The following ABCB7 variants were observed in gnomAD, a reference collection of about 807,000 sequenced individuals.
ABCB7 encodes the protein iron-sulfur clusters transporter ABCB7, mitochondrial.
Under a neutral mutation model 54.4 loss-of-function variants are expected in ABCB7, and 7 were observed. The ratio of observed to expected loss-of-function variants is 0.13; its 90% CI spans 0.07 to 0.24. ABCB7 has a LOEUF of 0.24. Among genes scored for constraint, ABCB7 ranks in the 10% least tolerant of loss-of-function variants. The pLI is 1.00. For missense variants in ABCB7, 356 were observed against 570.4 expected (o/e 0.62, Z 3.83); for synonymous variants, 218 against 207.1 (o/e 1.05, Z -0.45).
At chrX:75,061,269 C>A (rs988053229) in intron 14 of ABCB7, among the ~76,000 whole-genome samples, 1 of 111,629 alleles carries the variant, frequency 9.0e-6, no homozygotes, top group African/African-American at 3.3e-5. Flanking sequence ...CTTCTAATAA[C>A]TCCTCCCCTT....
chrX:75,123,669 C>T (rs1257655159), intron 1 of ABCB7, among the ~76,000 whole-genome samples: 1 of 111,324 alleles, frequency 9.0e-6, no homozygotes, highest in Non-Finnish European at 1.9e-5. Flanking sequence ...TTATTTGTGT[C>T]CTCTTCAATT....
chrX:75,102,849 T>C (rs2081651446), intron 3 of ABCB7, among the ~76,000 whole-genome samples: 1 of 111,945 alleles, frequency 8.9e-6, no homozygotes. Context: ...ATGGCCATTA[T>C]AACTGAGGGA....
At chrX:75,071,048 G>A (rs1442315520) in intron 9 of ABCB7, among the ~76,000 whole-genome samples, 1 of 109,794 alleles carries the variant, frequency 9.1e-6, no homozygotes, top group Admixed American at 9.8e-5. Context: ...CTAACTGAGT[G>A]GGGGTGGGGA....
At chrX:75,113,034 T>C in intron 2 of ABCB7, 62 bp from the exon 3 acceptor site, 1 of 1,019,872 alleles carries the variant, frequency 9.8e-7, no homozygotes, top group South Asian at 1.9e-5. Context: ...GTTTCACAAT[T>C]TGGCTTGAAC....
At chrX:75,114,712 G>A in intron 2 of ABCB7, 42 bp downstream of exon 2, 16 of 1,122,739 alleles carry the variant, frequency 1.4e-5, no homozygotes, top group Non-Finnish European at 1.3e-5. Flanking sequence ...AGGGTTTACA[G>A]GTTTTTCCTA....
chrX:75,132,079 A>T (rs1396968830), intron 1 of ABCB7, among the ~76,000 whole-genome samples: 2 of 109,966 alleles, frequency 1.8e-5, no homozygotes, highest in East Asian at 2.9e-4. Context: ...TAGCTTCCCC[A>T]CACTTGGCTG....
chrX:75,152,479 T>C (rs1161147345), intron 1 of ABCB7, among the ~76,000 whole-genome samples: 1 of 112,015 alleles, frequency 8.9e-6, no homozygotes, highest in African/African-American at 3.2e-5. Flanking sequence ...TCATGTAGTT[T>C]ATGGTATTTT....
chrX:75,129,805 CA>C, intron 1 of ABCB7, among the ~76,000 whole-genome samples: 1 of 110,199 alleles, frequency 9.1e-6, no homozygotes, highest in Non-Finnish European at 1.9e-5. Context: ...CATTATACAA[CA>C]ATGCAAATTA....
chrX:75,055,553 CAAAAAAAAA>C (rs59851777), intron 15 of ABCB7, among the ~76,000 whole-genome samples: 405 of 21,755 alleles, frequency 0.019, 4 homozygotes, highest in African/African-American at 0.041. Context: ...CCATCTCTAC[CAAAAAAAAA>C]AAAAAAAAAA....
At chrX:75,125,346 T>C (rs2147543081) in intron 1 of ABCB7, among the ~76,000 whole-genome samples, 1 of 111,926 alleles carries the variant, frequency 8.9e-6, no homozygotes. Flanking sequence ...ACAAATGATA[T>C]CTAATGAATT....
chrX:75,094,898 T>G (rs1315678219), intron 4 of ABCB7, among the ~76,000 whole-genome samples: 1 of 110,679 alleles, frequency 9.0e-6, no homozygotes, highest in Non-Finnish European at 1.9e-5. Context: ...AAATACATCT[T>G]ATATAGAACC....
intron 4 of ABCB7, among the ~76,000 whole-genome samples, chrX:75,080,358 G>A (rs1294887650): frequency 1.8e-5 from 2 of 111,919 alleles, no homozygotes; most frequent in African/African-American, 3.2e-5. Flanking sequence ...AGGAAGGAGT[G>A]CAGTGGCATG....
At chrX:75,111,103 C>G (rs1293079347) in intron 3 of ABCB7, among the ~76,000 whole-genome samples, 1 of 111,441 alleles carries the variant, frequency 9.0e-6, no homozygotes, top group Admixed American at 9.5e-5. Context: ...TATAAACAAG[C>G]ACACAAAAAG....
At chrX:75,114,878 T>A in intron 1 of ABCB7, 47 bp from the exon 2 acceptor site, 2 of 976,562 alleles carry the variant, frequency 2.0e-6, no homozygotes, top group Non-Finnish European at 2.9e-6. Context: ...AGTGGACACT[T>A]AATATTCAAA....
intron 1 of ABCB7, among the ~76,000 whole-genome samples, chrX:75,126,313 A>AT (rs902315242): frequency 1.8e-5 from 2 of 112,225 alleles, no homozygotes; most frequent in African/African-American, 6.5e-5. Flanking sequence ...AGATGCAGGC[A>AT]TAAGTTTTGG....
intron 1 of ABCB7, among the ~76,000 whole-genome samples, chrX:75,136,870 T>C (rs767622473): frequency 4.5e-5 from 5 of 112,166 alleles, no homozygotes; most frequent in African/African-American, 1.6e-4. Flanking sequence ...TCTTTAACCA[T>C]TGACAAATAT....
chrX:75,121,824 C>T (rs745782388), intron 1 of ABCB7, among the ~76,000 whole-genome samples: 6 of 112,215 alleles, frequency 5.3e-5, no homozygotes, highest in South Asian at 3.8e-4. Flanking sequence ...TTCCAGATAT[C>T]GCCTTTTGTC....
chrX:75,083,890 T>C (rs2081475761), intron 4 of ABCB7, among the ~76,000 whole-genome samples: 1 of 111,068 alleles, frequency 9.0e-6, no homozygotes, highest in Non-Finnish European at 1.9e-5. Flanking sequence ...AAAGATGATA[T>C]TTTACATAGC....
At chrX:75,155,106 C>T (rs1406073220) in intron 1 of ABCB7, among the ~76,000 whole-genome samples, 1 of 112,802 alleles carries the variant, frequency 8.9e-6, no homozygotes. Flanking sequence ...CTGTGTTTTT[C>T]AGTTATTTTT....
Sources: allele counts gnomAD v4.1 joint callset (sites outside exome capture counted in the v4.1 genomes callset), GRCh38; gene constraint gnomAD v4.1.1; transcripts MANE v1.5; gene names NCBI Gene and HGNC (gene_info 2026-07-23, HGNC 2026-07-21).